CHD7: variants seen among roughly 807,000 people sequenced by gnomAD.
CHD7 encodes chromodomain helicase DNA binding protein 7.
CHD7 carries 24 observed loss-of-function variants against 307.3 expected under a neutral mutation model. That is an observed-to-expected ratio of 0.08 (90% CI 0.06 to 0.11). The LOEUF (loss-of-function observed/expected upper bound fraction) is 0.11, where lower values mean the gene tolerates loss of function less well. CHD7 is among the 10% of genes least tolerant of loss of function. CHD7 has a pLI of 1.00. For missense variants in CHD7, 3,106 were observed against 3,727.1 expected (o/e 0.83, Z 4.34); for synonymous variants, 1,363 against 1,349.9 (o/e 1.01, Z -0.21).
intron 2 of CHD7, among the ~76,000 whole-genome samples, chr8:60,766,582 G>A (rs1298971398): frequency 6.6e-6 from 1 of 152,170 alleles, no homozygotes; most frequent in Non-Finnish European, 1.5e-5. Flanking sequence ...GATAGCAGTG[G>A]GGACAGGCCA....
intron 2 of CHD7, among the ~76,000 whole-genome samples, chr8:60,754,718 T>G (rs1809801097): frequency 6.6e-6 from 1 of 152,252 alleles, no homozygotes; most frequent in Non-Finnish European, 1.5e-5. Context: ...TAAGTGTTTC[T>G]TTCTAACTTC....
intron 2 of CHD7, among the ~76,000 whole-genome samples, chr8:60,750,065 A>G (rs746945757): frequency 5.3e-5 from 8 of 152,380 alleles, no homozygotes; most frequent in Non-Finnish European, 1.0e-4. Flanking sequence ...GTCTGAAAGC[A>G]TGAATGGCTG....
intron 2 of CHD7, among the ~76,000 whole-genome samples, chr8:60,746,372 T>C (rs1789511683): frequency 6.6e-6 from 1 of 152,274 alleles, no homozygotes. Flanking sequence ...ATAATATGGG[T>C]AATTCAAAAT....
At chr8:60,822,219 AAAAG>A (rs1804075484) in intron 11 of CHD7, 74 bp downstream of exon 11, 2 of 1,343,424 alleles carry the variant, frequency 1.5e-6, no homozygotes, top group Middle Eastern at 2.1e-4. Context: ...AAAATAATAA[AAAAG>A]AACTTAATGT....
intron 2 of CHD7, among the ~76,000 whole-genome samples, chr8:60,756,728 C>G (rs1213292555): frequency 6.6e-6 from 1 of 152,142 alleles, no homozygotes; most frequent in Non-Finnish European, 1.5e-5. Flanking sequence ...CACACACACA[C>G]ATTTAAAATG....
At chr8:60,682,414 CAG>C (rs1306709878) in intron 1 of CHD7, among the ~76,000 whole-genome samples, 31 of 152,260 alleles carry the variant, frequency 2.0e-4, no homozygotes, top group East Asian at 1.7e-3. Context: ...GTCAAAATAA[CAG>C]AAATATTTTG....
At chr8:60,724,166 T>C (rs1014556512) in intron 1 of CHD7, among the ~76,000 whole-genome samples, 3 of 152,230 alleles carry the variant, frequency 2.0e-5, no homozygotes, top group African/African-American at 7.2e-5. Context: ...GGGGGTTTGC[T>C]CCACAGCCTT....
intron 2 of CHD7, among the ~76,000 whole-genome samples, chr8:60,759,169 C>CA (rs35988426): frequency 0.21 from 32,663 of 151,964 alleles, 5,750 homozygotes; most frequent in African/African-American, 0.49. Context: ...CTTTTTCTTA[C>CA]AAAATTGAAA....
intron 2 of CHD7, among the ~76,000 whole-genome samples, chr8:60,759,842 G>A (rs1586280579): frequency 6.6e-6 from 1 of 152,334 alleles, no homozygotes; most frequent in East Asian, 1.9e-4. Flanking sequence ...GAGTCTTGGA[G>A]GACGGCTGGG....
intron 7 of CHD7, among the ~76,000 whole-genome samples, chr8:60,811,342 T>C (rs1215265530): frequency 6.6e-6 from 1 of 152,190 alleles, no homozygotes; most frequent in Non-Finnish European, 1.5e-5. Context: ...TCCTTACTAA[T>C]CCCAGGTTTA....
chr8:60,753,097 G>A (rs1809716570), intron 2 of CHD7, among the ~76,000 whole-genome samples: 1 of 152,214 alleles, frequency 6.6e-6, no homozygotes, highest in Non-Finnish European at 1.5e-5. Context: ...CTATTGAAAT[G>A]CATGAAGACA....
At chr8:60,751,420 G>C (rs1809636904) in intron 2 of CHD7, among the ~76,000 whole-genome samples, 1 of 152,214 alleles carries the variant, frequency 6.6e-6, no homozygotes, top group Non-Finnish European at 1.5e-5. Flanking sequence ...GAAGAATTGG[G>C]AAGTGGGTTA....
intron 4 of CHD7, among the ~76,000 whole-genome samples, chr8:60,798,371 C>T (rs892427784): frequency 5.9e-5 from 9 of 152,336 alleles, no homozygotes; most frequent in African/African-American, 1.9e-4. Flanking sequence ...CAGAAAAGTA[C>T]TTTGCACCTC....
chr8:60,710,234 C>CTTT (rs35355868), intron 1 of CHD7, among the ~76,000 whole-genome samples: 2 of 141,916 alleles, frequency 1.4e-5, no homozygotes, highest in Non-Finnish European at 3.1e-5. Context: ...GAAATGAAAA[C>CTTT]TTTTTTTTTT....
intron 1 of CHD7, among the ~76,000 whole-genome samples, chr8:60,695,046 CACAGCCATGG>C (rs1261743236): frequency 2.0e-5 from 3 of 152,040 alleles, no homozygotes; most frequent in Non-Finnish European, 2.9e-5. Context: ...GAGGAAAAGA[CACAGCCATGG>C]ACATTCAGGG....
rs779518202 is a variant in CHD7, at chr8:60,822,019, A to G, written c.2836-5A>G. 5 of 1,613,722 alleles carry G rather than the reference A, an allele frequency of 3.1e-6. No homozygotes were observed. Among genetic ancestry groups the G allele is most frequent in the Non-Finnish European group, 4.2e-6 (5 of 1,179,806 alleles). The stretch of plus-strand genomic sequence containing the variant: ...CACTAATGGGATTTACTATATTTGA[A>G]ACAGGAGCGACCTCCTGCTGATGAT... On this transcript the variant is annotated splice_region_variant and splice_polypyrimidine_tract_variant and intron_variant, in intron 10 of 37. Coordinates refer to ENST00000423902, the MANE Select transcript of CHD7 (RefSeq NM_017780.4).
intron 2 of CHD7, among the ~76,000 whole-genome samples, chr8:60,759,994 C>T (rs1214575488): frequency 6.6e-6 from 1 of 152,130 alleles, no homozygotes; most frequent in Non-Finnish European, 1.5e-5. Flanking sequence ...GTGGCTCCCA[C>T]TGAGTGGTAA....
At chr8:60,694,013 G>A (rs1174393661) in intron 1 of CHD7, among the ~76,000 whole-genome samples, 1 of 152,212 alleles carries the variant, frequency 6.6e-6, no homozygotes. Flanking sequence ...TCATAAGCGT[G>A]AACTTTTACA....
intron 1 of CHD7, among the ~76,000 whole-genome samples, chr8:60,729,250 A>T (rs1451207194): frequency 6.6e-6 from 1 of 152,106 alleles, no homozygotes; most frequent in East Asian, 1.9e-4. Context: ...GCCCAGCCAA[A>T]GCACAGAGTG....
Sources: gnomAD v4.1 joint callset for allele counts (sites outside exome capture counted in the v4.1 genomes callset) on GRCh38, gnomAD v4.1.1 for gene constraint, MANE v1.5 for transcripts, NCBI Gene and HGNC (gene_info 2026-07-23, HGNC 2026-07-21) for gene names.